The following TRMT11 variants were observed in gnomAD, a reference collection of about 807,000 sequenced individuals.
TRMT11 encodes tRNA (guanine(10)-N(2))-methyltransferase TRMT11.
TRMT11 carries 53 observed loss-of-function variants against 62.8 expected under a neutral mutation model. That is an observed-to-expected ratio of 0.84 (90% CI 0.68 to 1.06). The LOEUF (loss-of-function observed/expected upper bound fraction) is 1.06. Ranked by LOEUF, TRMT11 falls within the 50% of genes least tolerant of loss-of-function variation. The pLI is 0.00. For synonymous variants in TRMT11, 188 were observed against 190.3 expected (o/e 0.99, Z 0.10); for missense variants, 556 against 553.4 (o/e 1.00, Z -0.05).
chr6:126,265,471 A>T, the TRMT11 span, among the ~76,000 whole-genome samples: 1 of 152,122 alleles, frequency 6.6e-6, no homozygotes, highest in Non-Finnish European at 1.5e-5. Flanking sequence ...TCATTTACTC[A>T]TGACTAGCAA....
At position 125,999,564 on chromosome 6, in the gene TRMT11, T is replaced by C. The variant is rs1792139491; in HGVS notation, c.630T>C (p.His210=). Residue 210 remains histidine, a synonymous_variant, in exon 7 of 13, where the codon CAT becomes CAC. Transcript: ENST00000334379. The part of the protein sequence containing the change: ...DAGLSFIMAN[H]GKVKENDIVF... Reference sequence around the variant, plus strand: ...GTTTGTCATTCATTATGGCTAACCATGGAAAAGTGAAAGAAAATGATATTG... The same window carrying C: ...GTTTGTCATTCATTATGGCTAACCACGGAAAAGTGAAAGAAAATGATATTG... The C allele has an allele frequency of 6.2e-7, 1 of 1,612,086 alleles. No homozygotes were observed. The highest frequency in any genetic ancestry group is 8.5e-7 in the Non-Finnish European group (1 of 1,178,908).
intron 21 of TRMT11, among the ~76,000 whole-genome samples, chr6:126,137,060 G>A (rs1777859229): frequency 6.6e-6 from 1 of 151,532 alleles, no homozygotes. Context: ...GGGACATACA[G>A]GACATTGGAC....
intron 17 of TRMT11, among the ~76,000 whole-genome samples, chr6:126,096,780 T>C (rs954947023): frequency 6.6e-6 from 1 of 152,218 alleles, no homozygotes; most frequent in African/African-American, 2.4e-5. Flanking sequence ...ATAAATAGTT[T>C]TTGGCTTGTA....
At chr6:126,264,313 A>G in the TRMT11 span, among the ~76,000 whole-genome samples, 11 of 152,074 alleles carry the variant, frequency 7.2e-5, 1 homozygote, top group East Asian at 2.1e-3. Flanking sequence ...TATGCCAATT[A>G]TACTTGAGGA....
the TRMT11 span, among the ~76,000 whole-genome samples, chr6:126,214,206 G>C: frequency 6.6e-6 from 1 of 151,340 alleles, no homozygotes; most frequent in African/African-American, 2.4e-5. Flanking sequence ...TTTCTTTTTT[G>C]ATGTGTTTTT....
rs536954861 is a variant in TRMT11 at position 126,026,413 on chromosome 6, G to A, written c.1260+5133G>A. Among the ~76,000 whole-genome samples the A allele has an allele frequency of 8.6e-4, 130 of 151,768 alleles. 1 individual carries two copies. The highest frequency in any genetic ancestry group is 1.5e-3 in the South Asian group (7 of 4,816). ...TTTTTAATTTTTTTTTTGAGATAGA[G>A]TCTTACTCTGTTGCCAGGCTGGAGT... On this transcript the variant is annotated intron_variant, in intron 12 of 12. Coordinates refer to ENST00000334379, the MANE Select transcript of TRMT11 (RefSeq NM_001031712.3).
At chr6:126,180,431 G>C (rs1778445504) in intron 1 of TRMT11, among the ~76,000 whole-genome samples, 1 of 152,108 alleles carries the variant, frequency 6.6e-6, no homozygotes, top group South Asian at 2.1e-4. Context: ...AGGACGCAAG[G>C]ACAATTTAGC....
chr6:126,073,322 A>G (rs1001024469), intron 17 of TRMT11, among the ~76,000 whole-genome samples: 1 of 152,166 alleles, frequency 6.6e-6, no homozygotes, highest in Admixed American at 6.5e-5. Context: ...GACTACTACA[A>G]TGAGAGACTA....
intron 21 of TRMT11, among the ~76,000 whole-genome samples, chr6:126,162,917 A>T (rs1778208044): frequency 6.6e-6 from 1 of 152,180 alleles, no homozygotes; most frequent in South Asian, 2.1e-4. Flanking sequence ...TTGTATCCTG[A>T]GACTTTGCTG....
At chr6:126,158,916 G>A (rs940172411) in intron 21 of TRMT11, among the ~76,000 whole-genome samples, 2 of 152,034 alleles carry the variant, frequency 1.3e-5, no homozygotes, top group African/African-American at 4.8e-5. Context: ...CACTTCCCTC[G>A]TTGCCCATCC....
At chr6:126,160,944 T>C (rs1778183127) in intron 21 of TRMT11, among the ~76,000 whole-genome samples, 2 of 152,134 alleles carry the variant, frequency 1.3e-5, no homozygotes, top group African/African-American at 4.8e-5. Context: ...ACAGAAAGTT[T>C]AGAAATAAAA....
intron 21 of TRMT11, among the ~76,000 whole-genome samples, chr6:126,141,110 C>A (rs1462271613): frequency 6.6e-6 from 1 of 152,010 alleles, no homozygotes; most frequent in Non-Finnish European, 1.5e-5. Flanking sequence ...AGAAAACGTA[C>A]TTAGCAAACT....
At chr6:125,995,916 T>C in intron 2 of TRMT11, 51 bp from the exon 3 acceptor site, 1 of 1,102,296 alleles carries the variant, frequency 9.1e-7, no homozygotes, top group Non-Finnish European at 1.4e-6. Context: ...TAAAAGCATA[T>C]GAGGCCATGT....
chr6:125,992,834 T>G (rs1174839594), intron 1 of TRMT11, among the ~76,000 whole-genome samples: 1 of 152,240 alleles, frequency 6.6e-6, no homozygotes, highest in Non-Finnish European at 1.5e-5. Context: ...TCTTGGTCGA[T>G]CCATCTGATT....
At chr6:126,203,793 A>C (rs1778763339), downstream of TRMT11, among the ~76,000 whole-genome samples, 1 of 152,230 alleles carries the variant, frequency 6.6e-6, no homozygotes, top group Non-Finnish European at 1.5e-5. Flanking sequence ...GTGTACTACT[A>C]CATATTAAAA....
At chr6:126,021,563 C>G (rs939909415) in intron 12 of TRMT11, among the ~76,000 whole-genome samples, 1 of 152,174 alleles carries the variant, frequency 6.6e-6, no homozygotes, top group South Asian at 2.1e-4. Flanking sequence ...AGTTATAAAA[C>G]AGCATTATTA....
intron 21 of TRMT11, among the ~76,000 whole-genome samples, chr6:126,158,092 A>G (rs1390659381): frequency 2.0e-5 from 3 of 152,156 alleles, no homozygotes; most frequent in Non-Finnish European, 4.4e-5. Flanking sequence ...GCTTATTACT[A>G]TTATTTTTGA....
the TRMT11 span, among the ~76,000 whole-genome samples, chr6:126,252,082 C>G: frequency 6.6e-6 from 1 of 152,192 alleles, no homozygotes; most frequent in East Asian, 1.9e-4. Flanking sequence ...GAAAAAGAAC[C>G]ATTTTAATAT....
chr6:126,270,732 G>T, the TRMT11 span, among the ~76,000 whole-genome samples: 1 of 152,142 alleles, frequency 6.6e-6, no homozygotes, highest in African/African-American at 2.4e-5. Flanking sequence ...AAACATTTCT[G>T]TAGGTTTAAA....
Sources: allele counts gnomAD v4.1 joint callset (sites outside exome capture counted in the v4.1 genomes callset), GRCh38; gene constraint gnomAD v4.1.1; transcripts MANE v1.5; gene names NCBI Gene and HGNC (gene_info 2026-07-23, HGNC 2026-07-21).